The following ATG12 variants were observed in gnomAD, a reference collection of about 807,000 sequenced individuals.
The protein encoded by ATG12 is ubiquitin-like protein ATG12.
ATG12 carries 19 observed loss-of-function variants against 17.6 expected under a neutral mutation model. The ratio of observed to expected loss-of-function variants is 1.08; its 90% CI spans 0.75 to 1.58. The LOEUF (loss-of-function observed/expected upper bound fraction) is 1.58. Among genes scored for constraint, ATG12 ranks in the 40% most tolerant of loss-of-function variants. The probability of loss-of-function intolerance (pLI) is 0.00; values close to 1 mark genes in which losing one functional copy is unlikely to be tolerated. For synonymous variants in ATG12, 75 were observed against 62.4 expected, an observed-to-expected ratio of 1.20 and a Z score of -0.95; for missense variants, 214 against 162.0, an observed-to-expected ratio of 1.32 and a Z score of -1.74.
rs1400708384 is a variant in ATG12, at chr5:115,829,902, G to C, written c.*1902C>G. On this transcript the variant is annotated 3_prime_UTR_variant, in exon 4 of 4. Transcript: ENST00000509910. Reference sequence around the variant, plus strand: ...AAGGCGGGTGGATCACCTGAGGTCAGTCAGGAGTTTGAGACCAGCCTGGCC... The same window carrying C: ...AAGGCGGGTGGATCACCTGAGGTCACTCAGGAGTTTGAGACCAGCCTGGCC... 1.3e-5 allele frequency: 2 copies of C among 152,124 alleles called. No individual in the cohort carries two copies. The highest frequency in any genetic ancestry group is 2.9e-5 in the Non-Finnish European group (2 of 68,052). The allele number at this position is 152,124 out of a possible 1,614,324, so 9.4% of individuals were successfully genotyped here.
intron 2 of ATG12, 186 bp from the exon 3 acceptor site, chr5:115,832,850 G>A (rs1760944098): frequency 6.1e-6 from 3 of 493,444 alleles, no homozygotes; most frequent in African/African-American, 6.0e-5. Flanking sequence ...TTCCTCCAGA[G>A]GAATAAAAAT....
chr5:115,839,322 T>TGCATGCATA (rs60556974), intron 1 of ATG12: 6 of 151,554 alleles, frequency 4.0e-5, no homozygotes, highest in African/African-American at 1.5e-4. Flanking sequence ...GAACACATGA[T>TGCATGCATA]CTTTATCTTC....
At chr5:115,841,074 A>ACCACCCCCC in intron 1 of ATG12, 1 of 358,796 alleles carries the variant, frequency 2.8e-6, no homozygotes. Flanking sequence ...AATTACCGAG[A>ACCACCCCCC]CCCCCCTCCC....
intron 1 of ATG12, 121 bp downstream of exon 1, chr5:115,841,269 C>T (rs1761453436): frequency 7.7e-7 from 1 of 1,302,340 alleles, no homozygotes; most frequent in Non-Finnish European, 1.1e-6. Flanking sequence ...CTTCTGATGA[C>T]TGGTCAAAAT....
rs1760808257 is a variant in ATG12 at position 115,830,156 on chromosome 5, A to G, written c.*1648T>C. The G allele has an allele frequency of 6.7e-6, 1 of 148,884 alleles. No individual in the cohort carries two copies. Among genetic ancestry groups the G allele is most frequent in the Admixed American group, 6.7e-5 (1 of 14,910 alleles). The allele number at this position is 148,884 out of a possible 1,614,324, so 9.2% of individuals were successfully genotyped here. A position where few individuals can be genotyped will look rare whatever the true frequency, so the allele number is the denominator to read the frequency against. ...AAAAAAAAAAAAAGTGCAAAGTCCT[A>G]TGTATTCTTCAGAGTTGTTAGGAAA... On this transcript the variant is annotated 3_prime_UTR_variant, in exon 4 of 4. Coordinates refer to ENST00000509910, the MANE Select transcript of ATG12 (RefSeq NM_004707.4).
rs1241257024 is a variant in ATG12, at chr5:115,828,702, T to C, written c.*3102A>G. On this transcript the variant is annotated 3_prime_UTR_variant, in exon 4 of 4. Transcript: ENST00000509910. Reference sequence around the variant, plus strand: ...TCCTTTGTTTTTAGCTGTCATACTTTGCTAATCACAATTTCATTCACTCGA... The same window carrying C: ...TCCTTTGTTTTTAGCTGTCATACTTCGCTAATCACAATTTCATTCACTCGA... 1 of 152,210 alleles carries C rather than the reference T, an allele frequency of 6.6e-6. No homozygotes were observed. Among genetic ancestry groups the C allele is most frequent in the African/African-American group, 2.4e-5 (1 of 41,470 alleles). The allele number at this position is 152,210 out of a possible 1,614,324, so 9.4% of individuals were successfully genotyped here. A position where few individuals can be genotyped will look rare whatever the true frequency, so the allele number is the denominator to read the frequency against.
At chr5:115,839,432 T>A (rs1334739373) in intron 1 of ATG12, 1 of 152,192 alleles carries the variant, frequency 6.6e-6, no homozygotes, top group Non-Finnish European at 1.5e-5. Context: ...CTTTCATACC[T>A]CCTTTCACTG....
In ATG12 at chr5:115,832,566, TCTTTC is replaced by T. The variant is rs771088756; in HGVS notation, c.363+31_363+35del. The T allele has an allele frequency of 7.3e-5, 95 of 1,303,220 alleles. 1 individual carries two copies. The highest frequency in any genetic ancestry group is 9.3e-5 in the African/African-American group (4 of 43,122). The allele number at this position is 1,303,220 out of a possible 1,614,324, so 80.7% of individuals were successfully genotyped here. ...CGATTAAGAAAAAAAAGCAGTAATTTCTTTCTTTTTTTTTTTTTTTTTTTTTTTTT... is the reference window on the plus strand; with the variant it reads ...CGATTAAGAAAAAAAAGCAGTAATTTTTTTTTTTTTTTTTTTTTTTTTTTT... On this transcript the variant is annotated intron_variant, in intron 3 of 3. Transcript: ENST00000509910.
In ATG12 at chr5:115,828,960, G is replaced by A. The variant is rs150221280; in HGVS notation, c.*2844C>T. On this transcript the variant is annotated 3_prime_UTR_variant, in exon 4 of 4. Coordinates refer to ENST00000509910, the MANE Select transcript of ATG12 (RefSeq NM_004707.4). ...AATCTGAATCAGGCCTTGAAGAAGA[G>A]TTAGGATTTGAAAGGGTGAAGGTGT... The A allele has an allele frequency of 1.3e-5, 2 of 152,320 alleles. No homozygotes were observed. Among genetic ancestry groups the A allele is most frequent in the East Asian group, 3.9e-4 (2 of 5,190 alleles). 9.4% of individuals were successfully genotyped at this position (152,320 alleles called of 1,614,324 possible). A position where few individuals can be genotyped will look rare whatever the true frequency, so the allele number is the denominator to read the frequency against.
At chr5:115,832,214 A>G (rs1485722868) in intron 3 of ATG12, among the ~76,000 whole-genome samples, 3 of 152,186 alleles carry the variant, frequency 2.0e-5, no homozygotes, top group Non-Finnish European at 4.4e-5. Context: ...AAGATGTTAA[A>G]CAGTCATTCT....
Position 115,833,931 on chromosome 5 carries a change from T to C in ATG12, c.301-1267A>G, listed in dbSNP as rs567063943. ...AGTGTCTATGATGTGCTGAGAATTG[T>C]ACATGGAACTATGAAGATTAATGTG... On this transcript the variant is annotated intron_variant, in intron 2 of 3. Transcript: ENST00000509910. The C allele has an allele frequency of 2.6e-5, 4 of 152,272 alleles. 1 individual carries two copies. The highest frequency in any genetic ancestry group is 9.6e-5 in the African/African-American group (4 of 41,568). 9.4% of individuals were successfully genotyped at this position (152,272 alleles called of 1,614,324 possible).
intron 1 of ATG12, 47 bp downstream of exon 1, chr5:115,841,343 T>C (rs974799932): frequency 6.2e-7 from 1 of 1,607,722 alleles, no homozygotes; most frequent in Non-Finnish European, 8.5e-7. Flanking sequence ...CCTACTCGGA[T>C]GCAATCTGAA....
chr5:115,835,053 TTCC>T (rs1402806099), intron 2 of ATG12: 3 of 152,188 alleles, frequency 2.0e-5, no homozygotes, highest in East Asian at 1.9e-4. Context: ...GTTGTTTATG[TTCC>T]TCCTACTTTA....
rs1403058216 is a variant in ATG12, at chr5:115,832,567, C to G, written c.363+35G>C. On this transcript the variant is annotated intron_variant, in intron 3 of 3. Coordinates refer to ENST00000509910, the MANE Select transcript of ATG12 (RefSeq NM_004707.4). The stretch of plus-strand genomic sequence containing the variant: ...GATTAAGAAAAAAAAGCAGTAATTT[C>G]TTTCTTTTTTTTTTTTTTTTTTTTT... The G allele has an allele frequency of 1.5e-4, 159 of 1,066,392 alleles. 2 individuals carry two copies. The highest frequency in any genetic ancestry group is 1.2e-3 in the Middle Eastern group (3 of 2,420). 66.1% of individuals were successfully genotyped at this position (1,066,392 alleles called of 1,614,324 possible). A position where few individuals can be genotyped will look rare whatever the true frequency, so the allele number is the denominator to read the frequency against.
At chr5:115,835,175 T>C (rs1040640577) in intron 2 of ATG12, 1 of 152,198 alleles carries the variant, frequency 6.6e-6, no homozygotes, top group African/African-American at 2.4e-5. Context: ...TACCATCTTA[T>C]TGTTTTTAGC....
chr5:115,836,792 A>T (rs995376011), intron 2 of ATG12, among the ~76,000 whole-genome samples: 1 of 152,230 alleles, frequency 6.6e-6, no homozygotes, highest in East Asian at 1.9e-4. Context: ...ATGTATATAT[A>T]AAAAACACTT....
Position 115,829,160 on chromosome 5 carries a change from GGCCTGTAGCTGGCTTCCTT to G in ATG12, c.*2625_*2643del, listed in dbSNP as rs776683577. The G allele has an allele frequency of 2.0e-5, 3 of 152,108 alleles. No homozygotes were observed. Among genetic ancestry groups the G allele is most frequent in the Non-Finnish European group, 4.4e-5 (3 of 68,018 alleles). The allele number at this position is 152,108 out of a possible 1,614,324, so 9.4% of individuals were successfully genotyped here. A position where few individuals can be genotyped will look rare whatever the true frequency, so the allele number is the denominator to read the frequency against. On this transcript the variant is annotated 3_prime_UTR_variant, in exon 4 of 4. Transcript: ENST00000509910. Reference sequence around the variant, plus strand: ...GTTTTCTGAATAGTTTTCATTACGTGGCCTGTAGCTGGCTTCCTTAGTGCCAAAAGTTTACTCAGCATAT... The same window carrying G: ...GTTTTCTGAATAGTTTTCATTACGTGAGTGCCAAAAGTTTACTCAGCATAT...
Position 115,832,598 on chromosome 5 carries a change from T to TAAAAAAAA in ATG12, c.363+3_363+4insTTTTTTTT. 2 of 1,220,292 alleles carry TAAAAAAAA rather than the reference T, an allele frequency of 1.6e-6. No homozygotes were observed. The highest frequency in any genetic ancestry group is 2.2e-6 in the Non-Finnish European group (2 of 898,490). The allele number at this position is 1,220,292 out of a possible 1,614,324, so 75.6% of individuals were successfully genotyped here. A position where few individuals can be genotyped will look rare whatever the true frequency, so the allele number is the denominator to read the frequency against. ...TTTTTTTTTTTTTTTTTTTTTTTTT[T>TAAAAAAAA]TACCTCATAGAGAGTTCCAACTTCT... is the stretch of plus-strand genomic sequence containing the variant. On this transcript the variant is annotated splice_donor_region_variant and intron_variant, in intron 3 of 3. Transcript: ENST00000509910.
At chr5:115,832,703 A>G in intron 2 of ATG12, 39 bp from the exon 3 acceptor site, 2 of 1,456,604 alleles carry the variant, frequency 1.4e-6, no homozygotes, top group Non-Finnish European at 1.8e-6. Context: ...GTTTAATGGT[A>G]TCCTGATTAA....
Sources: gnomAD v4.1 joint callset for allele counts (sites outside exome capture counted in the v4.1 genomes callset) on GRCh38, gnomAD v4.1.1 for gene constraint, MANE v1.5 for transcripts, NCBI Gene and HGNC (gene_info 2026-07-23, HGNC 2026-07-21) for gene names.